The following TANK variants were observed in gnomAD, a reference collection of about 807,000 sequenced individuals.
The protein encoded by TANK is TRAF family member-associated NF-kappa-B activator.
A neutral mutation model predicts 43.6 loss-of-function variants in TANK; 15 were observed. That is an observed-to-expected ratio of 0.34 (90% CI 0.23 to 0.53). TANK has a LOEUF of 0.53. TANK is among the 20% of genes least tolerant of loss of function. The pLI, the probability that TANK is intolerant of heterozygous loss-of-function variation, is 0.94. For missense variants in TANK, 417 were observed against 498.6 expected (o/e 0.84, Z 1.56); for synonymous variants, 162 against 178.2 (o/e 0.91, Z 0.73).
At chr2:161,161,724 G>A (rs1207558340) in intron 1 of TANK, 3 of 270,998 alleles carry the variant, frequency 1.1e-5, no homozygotes, top group African/African-American at 6.4e-5. Context: ...GCATTGTGTA[G>A]ATGTACCAAA....
intron 2 of TANK, among the ~76,000 whole-genome samples, chr2:161,182,721 G>A (rs1685485505): frequency 1.3e-5 from 2 of 152,092 alleles, no homozygotes; most frequent in South Asian, 4.1e-4. Context: ...GTCCATGATT[G>A]AAGAAGGGAC....
At chr2:161,221,108 G>A (rs1045445274) in intron 4 of TANK, among the ~76,000 whole-genome samples, 1 of 152,126 alleles carries the variant, frequency 6.6e-6, no homozygotes, top group Non-Finnish European at 1.5e-5. Context: ...AATGGATTTA[G>A]TTGAATGACT....
chr2:161,175,153 G>GGA (rs1356168878), intron 1 of TANK, among the ~76,000 whole-genome samples: 8 of 152,094 alleles, frequency 5.3e-5, no homozygotes, highest in Non-Finnish European at 1.2e-4. Context: ...CTTCATGGGA[G>GGA]GAGATGCCAT....
intron 2 of TANK, among the ~76,000 whole-genome samples, chr2:161,198,456 C>T (rs1574023523): frequency 6.6e-6 from 1 of 152,324 alleles, no homozygotes. Context: ...ACCCTGGTGG[C>T]TCTACTGGTC....
intron 1 of TANK, among the ~76,000 whole-genome samples, chr2:161,179,223 A>G (rs1685309318): frequency 6.6e-6 from 1 of 152,162 alleles, no homozygotes. Flanking sequence ...GCAAGAATTC[A>G]CCTCATAAGT....
chr2:161,203,952 C>T (rs960451091), intron 3 of TANK, among the ~76,000 whole-genome samples: 3 of 151,874 alleles, frequency 2.0e-5, no homozygotes, highest in African/African-American at 7.3e-5. Flanking sequence ...AATATATATG[C>T]GAGGATGTGT....
At position 161,179,933 on chromosome 2, in the gene TANK, T is replaced by A. The variant is rs78924872; in HGVS notation, c.99+172T>A. Reference sequence around the variant, plus strand: ...TGAAGTTTTTGTTTGTTGTTTTTTTTAAAAATATTGCAACCCATAGGAAGA... The same window carrying A: ...TGAAGTTTTTGTTTGTTGTTTTTTTAAAAAATATTGCAACCCATAGGAAGA... On this transcript the variant is annotated intron_variant, in intron 2 of 7. Coordinates refer to ENST00000392749, the MANE Select transcript of TANK (RefSeq NM_001199135.3). 10,488 of 1,280,064 alleles carry A rather than the reference T, an allele frequency of 8.2e-3. 82 individuals carry two copies. Among genetic ancestry groups the A allele is most frequent in the East Asian group, 0.043 (1,458 of 33,566 alleles). 79.3% of individuals were successfully genotyped at this position (1,280,064 alleles called of 1,614,324 possible). A position where few individuals can be genotyped will look rare whatever the true frequency, so the allele number is the denominator to read the frequency against.
At chr2:161,188,908 G>A (rs1027174340) in intron 2 of TANK, among the ~76,000 whole-genome samples, 1 of 152,190 alleles carries the variant, frequency 6.6e-6, no homozygotes, top group East Asian at 1.9e-4. Context: ...CAGTTTGGCT[G>A]CTGCTGCCCT....
At chr2:161,186,340 A>G (rs1327733072) in intron 2 of TANK, among the ~76,000 whole-genome samples, 2 of 152,074 alleles carry the variant, frequency 1.3e-5, no homozygotes, top group Non-Finnish European at 2.9e-5. Flanking sequence ...ATATATTCCT[A>G]TTTCAGAACC....
At chr2:161,200,629 C>T in intron 2 of TANK, 1 of 779,728 alleles carries the variant, frequency 1.3e-6, no homozygotes. Context: ...AATCTTCAAA[C>T]ATTACCTATC....
chr2:161,201,746 A>T (rs1437511388), intron 2 of TANK, among the ~76,000 whole-genome samples: 1 of 152,160 alleles, frequency 6.6e-6, no homozygotes, highest in Non-Finnish European at 1.5e-5. Flanking sequence ...TCCTTCATTC[A>T]GTCAGCTTAC....
At chr2:161,232,627 C>A in intron 7 of TANK, 1 of 1,293,060 alleles carries the variant, frequency 7.7e-7, no homozygotes. Flanking sequence ...ACAAATTAAA[C>A]AATTTCATTT....
Position 161,217,694 on chromosome 2 carries a change from T to TG in TANK, c.328-6219dup, listed in dbSNP as rs201525853. The stretch of plus-strand genomic sequence containing the variant: ...TTGTTAGGTGCTCACTCCTCCACAA[T>TG]GGAATCTGAGCTCCTAAAGTCTAGT... On this transcript the variant is annotated intron_variant, in intron 4 of 7. Transcript: ENST00000392749. 8.3e-3 allele frequency among the ~76,000 whole-genome samples: 1,255 copies of TG among 150,414 alleles called. 10 individuals carry two copies. The highest frequency in any genetic ancestry group is 0.011 in the South Asian group (53 of 4,770).
chr2:161,219,927 A>G (rs1357203881), intron 4 of TANK: 1 of 316,180 alleles, frequency 3.2e-6, no homozygotes, highest in Non-Finnish European at 6.1e-6. Context: ...GCTAACATTT[A>G]TACCTATTCC....
chr2:161,189,830 A>G (rs1362503430), intron 2 of TANK, among the ~76,000 whole-genome samples: 3 of 152,168 alleles, frequency 2.0e-5, no homozygotes, highest in Non-Finnish European at 4.4e-5. Context: ...CCATATACAA[A>G]AATTAAAACA....
At chr2:161,169,724 A>G (rs1416218386) in intron 1 of TANK, among the ~76,000 whole-genome samples, 1 of 152,220 alleles carries the variant, frequency 6.6e-6, no homozygotes, top group Non-Finnish European at 1.5e-5. Context: ...TCTGATTAAA[A>G]TAAAAAATTA....
chr2:161,211,130 A>G (rs1193074442), intron 4 of TANK, among the ~76,000 whole-genome samples: 1 of 152,204 alleles, frequency 6.6e-6, no homozygotes, highest in Non-Finnish European at 1.5e-5. Flanking sequence ...TCCTTCAGTG[A>G]GCGGCATTTA....
At chr2:161,139,639 A>G in intron 1 of TANK, 4 of 953,628 alleles carry the variant, frequency 4.2e-6, no homozygotes, top group Non-Finnish European at 5.0e-6. Context: ...AAAATAAACC[A>G]ACCAAACCTA....
At chr2:161,198,944 G>C (rs1159278371) in intron 2 of TANK, among the ~76,000 whole-genome samples, 1 of 152,158 alleles carries the variant, frequency 6.6e-6, no homozygotes, top group African/African-American at 2.4e-5. Context: ...AGAAAGACTT[G>C]TGTAAGCCAG....
Sources: gnomAD v4.1 joint callset for allele counts (sites outside exome capture counted in the v4.1 genomes callset) on GRCh38, gnomAD v4.1.1 for gene constraint, MANE v1.5 for transcripts, NCBI Gene and HGNC (gene_info 2026-07-23, HGNC 2026-07-21) for gene names.